MROH2B: variants seen among roughly 807,000 people sequenced by gnomAD.
The protein encoded by MROH2B is maestro heat like repeat family member 2B.
A neutral mutation model predicts 208.6 loss-of-function variants in MROH2B; 177 were observed. That is an observed-to-expected ratio of 0.85 (90% CI 0.75 to 0.96). MROH2B has a LOEUF of 0.96. Among genes scored for constraint, MROH2B ranks in the 40% least tolerant of loss-of-function variants. The pLI is 0.00. For missense variants in MROH2B, 2,002 were observed against 1,878.7 expected (o/e 1.07, Z -1.21); for synonymous variants, 728 against 659.0 (o/e 1.10, Z -1.60).
chr5:41,026,490 G>A (rs1742364548), intron 24 of MROH2B, among the ~76,000 whole-genome samples: 1 of 151,668 alleles, frequency 6.6e-6, no homozygotes, highest in South Asian at 2.1e-4. Flanking sequence ...GGATGTGAAG[G>A]ACCTCTTCAA....
At chr5:41,022,439 G>T (rs1177645308) in intron 24 of MROH2B, among the ~76,000 whole-genome samples, 2 of 152,246 alleles carry the variant, frequency 1.3e-5, no homozygotes, top group Non-Finnish European at 2.9e-5. Context: ...CACCCACGGA[G>T]CCTTGCTCAC....
At chr5:41,004,997 A>G (rs1741530421) in intron 35 of MROH2B, 77 bp from the exon 36 acceptor site, 1 of 1,532,174 alleles carries the variant, frequency 6.5e-7, no homozygotes, top group Non-Finnish European at 8.8e-7. Context: ...AGACATCACA[A>G]GTACAATTAA....
chr5:41,028,014 A>G (rs1244952853), intron 24 of MROH2B, among the ~76,000 whole-genome samples: 2 of 151,938 alleles, frequency 1.3e-5, no homozygotes, highest in Non-Finnish European at 2.9e-5. Flanking sequence ...CAGGGTGGGG[A>G]ACATCACACA....
chr5:41,005,397 G>A, intron 35 of MROH2B, 134 bp downstream of exon 35: 1 of 595,688 alleles, frequency 1.7e-6, no homozygotes, highest in Non-Finnish European at 2.9e-6. Flanking sequence ...GCAGTAGCTG[G>A]TCTCTCCTCT....
chr5:41,049,571 G>A, intron 13 of MROH2B, 135 bp from the exon 14 acceptor site: 12 of 1,042,816 alleles, frequency 1.2e-5, no homozygotes, highest in Non-Finnish European at 1.5e-5. Context: ...AAGTCAAGAT[G>A]AGATCATTAA....
rs182372992 is a variant in MROH2B, at chr5:41,036,052, A to G, written c.2215-2188T>C. 6.6e-5 allele frequency among the ~76,000 whole-genome samples: 10 copies of G among 152,182 alleles called. No homozygotes were observed. In the East Asian group the frequency reaches 1.9e-3, roughly 29 times the overall value. ...CATGCACTCATATGTTCATTGCTTC[A>G]TTATTCACAATAGCAAAGACATGGA... On this transcript the variant is annotated intron_variant, in intron 21 of 41. Transcript: ENST00000399564.
intron 24 of MROH2B, among the ~76,000 whole-genome samples, chr5:41,019,266 CACTT>C (rs1290766550): frequency 2.0e-5 from 3 of 152,132 alleles, no homozygotes; most frequent in African/African-American, 7.2e-5. Flanking sequence ...AATCATCACT[CACTT>C]TGTGTTCCTT....
chr5:41,005,144 A>G (rs1178481406), intron 35 of MROH2B: 2 of 570,162 alleles, frequency 3.5e-6, no homozygotes, highest in Admixed American at 3.3e-5. Flanking sequence ...TACCTGCATA[A>G]CAGATGTCTA....
chr5:41,050,460 C>T (rs1743251173), intron 13 of MROH2B, among the ~76,000 whole-genome samples: 1 of 152,094 alleles, frequency 6.6e-6, no homozygotes, highest in Non-Finnish European at 1.5e-5. Flanking sequence ...GTAAATATCC[C>T]AGCTAACTCA....
At chr5:41,034,167 C>T (rs1310658426) in intron 21 of MROH2B, 1 of 690,560 alleles carries the variant, frequency 1.4e-6, no homozygotes, top group Admixed American at 6.3e-5. Flanking sequence ...GCTCAACAGA[C>T]TTTGGTAAGG....
At chr5:41,056,211 C>A (rs548430537) in intron 9 of MROH2B, among the ~76,000 whole-genome samples, 92 of 152,128 alleles carry the variant, frequency 6.0e-4, no homozygotes, top group African/African-American at 2.1e-3. Flanking sequence ...AGTGAGAACA[C>A]CATGTGAAGA....
At chr5:41,003,192 C>G (rs746762521) in intron 37 of MROH2B, among the ~76,000 whole-genome samples, 2 of 152,080 alleles carry the variant, frequency 1.3e-5, no homozygotes, top group Non-Finnish European at 2.9e-5. Context: ...AACTTCTGAC[C>G]TCAGGTGATC....
In MROH2B at chr5:41,055,770, A is replaced by T. The variant is rs201687038; in HGVS notation, c.1005T>A (p.Thr335=). 5.6e-6 allele frequency: 9 copies of T among 1,613,566 alleles called. No homozygotes were observed. In the African/African-American group the frequency reaches 9.3e-5, roughly 17 times the overall value. Residue 335 remains threonine, a synonymous_variant, in exon 10 of 42, where the codon ACT becomes ACA. Transcript: ENST00000399564. ...CAGCATTGACAGCCAATCTTAACAA[A>T]GTCAAGATTCCCACTCGAATGGCTT... is the stretch of plus-strand genomic sequence containing the variant. ...NNEAIRVGIL[T]LLRLAVNADE...
intron 21 of MROH2B, among the ~76,000 whole-genome samples, chr5:41,034,785 T>C (rs971593095): frequency 6.6e-6 from 1 of 152,110 alleles, no homozygotes. Context: ...CAAAAATCAC[T>C]AGCATTTTCA....
At chr5:41,017,770 A>G in intron 28 of MROH2B, 80 bp downstream of exon 28, 2 of 1,451,138 alleles carry the variant, frequency 1.4e-6, no homozygotes, top group Non-Finnish European at 1.8e-6. Flanking sequence ...AGAGAGACAT[A>G]GGTGCATAAG....
At chr5:41,026,222 A>G (rs1423052540) in intron 24 of MROH2B, among the ~76,000 whole-genome samples, 1 of 152,222 alleles carries the variant, frequency 6.6e-6, no homozygotes, top group East Asian at 1.9e-4. Flanking sequence ...AGGGTATTCA[A>G]TTAGGAAAAG....
chr5:41,056,962 G>A, intron 9 of MROH2B, 147 bp downstream of exon 9: 1 of 810,082 alleles, frequency 1.2e-6, no homozygotes, highest in Non-Finnish European at 2.0e-6. Flanking sequence ...GAGAGGGGCA[G>A]GCACAGAAAA....
At chr5:41,020,894 G>T (rs1373071907) in intron 24 of MROH2B, among the ~76,000 whole-genome samples, 1 of 152,134 alleles carries the variant, frequency 6.6e-6, no homozygotes, top group Non-Finnish European at 1.5e-5. Context: ...GTAAGACAAG[G>T]ATACCATTTT....
At chr5:41,070,480 A>G (rs1007937554) in intron 1 of MROH2B, among the ~76,000 whole-genome samples, 3 of 152,170 alleles carry the variant, frequency 2.0e-5, no homozygotes, top group Admixed American at 2.0e-4. Flanking sequence ...TTTTTGGCAA[A>G]GTAGAAAGGC....
Sources: gnomAD v4.1 joint callset for allele counts (sites outside exome capture counted in the v4.1 genomes callset) on GRCh38, gnomAD v4.1.1 for gene constraint, MANE v1.5 for transcripts, NCBI Gene and HGNC (gene_info 2026-07-23, HGNC 2026-07-21) for gene names.